The following PRKAR1A variants were observed in gnomAD, a reference collection of about 807,000 sequenced individuals.
PRKAR1A encodes cAMP-dependent protein kinase type I-alpha regulatory subunit.
A neutral mutation model predicts 52.0 loss-of-function variants in PRKAR1A; 3 were observed. The observed-to-expected ratio is 0.06, with a 90% confidence interval of 0.03 to 0.15. The LOEUF is 0.15. Among genes scored for constraint, PRKAR1A ranks in the 10% least tolerant of loss-of-function variants. The pLI is 1.00. For synonymous variants in PRKAR1A, 188 were observed against 168.4 expected, an observed-to-expected ratio of 1.12 and a Z score of -0.90; for missense variants, 240 against 477.4, an observed-to-expected ratio of 0.50 and a Z score of 4.63.
At chr17:68,436,651 A>C in the PRKAR1A span, among the ~76,000 whole-genome samples, 5 of 152,128 alleles carry the variant, frequency 3.3e-5, no homozygotes, top group African/African-American at 1.2e-4. Flanking sequence ...GCTTCCAATA[A>C]AGCAACTTCA....
the PRKAR1A span, among the ~76,000 whole-genome samples, chr17:68,503,209 C>A: frequency 6.6e-6 from 1 of 152,306 alleles, no homozygotes; most frequent in Admixed American, 6.5e-5. Flanking sequence ...AAAGCACTGA[C>A]AAATGCTGGC....
the PRKAR1A span, among the ~76,000 whole-genome samples, chr17:68,470,893 T>C: frequency 6.6e-6 from 1 of 152,250 alleles, no homozygotes; most frequent in Non-Finnish European, 1.5e-5. Context: ...AATAGAGAGG[T>C]GACTGCCACC....
the PRKAR1A span, chr17:68,434,743 A>G: frequency 3.5e-5 from 35 of 999,384 alleles, 1 homozygote; most frequent in South Asian, 5.3e-4. Context: ...GAGGAAGAAC[A>G]CCACGTTGAG....
the PRKAR1A span, among the ~76,000 whole-genome samples, chr17:68,422,969 C>A: frequency 1.3e-5 from 2 of 152,120 alleles, no homozygotes; most frequent in Non-Finnish European, 2.9e-5. Flanking sequence ...CCCAAGGAGG[C>A]AAGCGTGATC....
the PRKAR1A span, among the ~76,000 whole-genome samples, chr17:68,443,815 A>G: frequency 6.6e-6 from 1 of 152,236 alleles, no homozygotes; most frequent in Non-Finnish European, 1.5e-5. Flanking sequence ...CATTAAATGT[A>G]CAAGTTGTTC....
the PRKAR1A span, among the ~76,000 whole-genome samples, chr17:68,469,222 CT>C: frequency 3.1e-4 from 47 of 149,474 alleles, no homozygotes; most frequent in African/African-American, 1.0e-3. Context: ...AGGTAGGCTG[CT>C]TTTTTTTTTC....
At chr17:68,504,700 G>A in the PRKAR1A span, among the ~76,000 whole-genome samples, 7 of 152,318 alleles carry the variant, frequency 4.6e-5, no homozygotes, top group African/African-American at 1.7e-4. Flanking sequence ...AAGTGTAGCG[G>A]TGGAGGGTGG....
intron 9 of PRKAR1A, among the ~76,000 whole-genome samples, chr17:68,529,672 T>C (rs1248334712): frequency 6.6e-6 from 1 of 152,252 alleles, no homozygotes; most frequent in Non-Finnish European, 1.5e-5. Flanking sequence ...AGCTTGGATT[T>C]AGCCCTTCAT....
the PRKAR1A span, among the ~76,000 whole-genome samples, chr17:68,442,021 C>A: frequency 6.6e-6 from 1 of 152,158 alleles, no homozygotes; most frequent in Admixed American, 6.5e-5. Flanking sequence ...AATCGATTCC[C>A]TTTACAAACA....
chr17:68,523,398 A>T (rs1358442705), intron 3 of PRKAR1A, among the ~76,000 whole-genome samples: 1 of 152,220 alleles, frequency 6.6e-6, no homozygotes, highest in African/African-American at 2.4e-5. Flanking sequence ...ACAGATTTTT[A>T]AAATGACTAA....
chr17:68,537,447 G>T (rs772611671), downstream of PRKAR1A: 1 of 1,613,616 alleles, frequency 6.2e-7, no homozygotes, highest in African/African-American at 1.3e-5. This position sits in a 1 kb window ranked among gnomAD's most constrained non-coding sequence, Gnocchi z 4.2. Flanking sequence ...GGCTCCAGGC[G>T]TATTTTCTGA....
chr17:68,472,497 A>G, the PRKAR1A span, among the ~76,000 whole-genome samples: 1 of 152,200 alleles, frequency 6.6e-6, no homozygotes, highest in Non-Finnish European at 1.5e-5. Flanking sequence ...TTTCCTGTCC[A>G]AAAAACAGGA....
chr17:68,539,218 A>C (rs1386873493), intron 11 of PRKAR1A: 1 of 910,438 alleles, frequency 1.1e-6, no homozygotes, highest in Non-Finnish European at 1.8e-6. Context: ...GATTCATGTC[A>C]TTCTACCCAC....
At chr17:68,527,809 G>T in intron 7 of PRKAR1A, 31 bp from the exon 8 acceptor site, 1 of 1,542,412 alleles carries the variant, frequency 6.5e-7, no homozygotes. Context: ...ACACGTCTTG[G>T]GGATATCACT....
the PRKAR1A span, chr17:68,427,019 G>A: frequency 1.2e-6 from 1 of 823,634 alleles, no homozygotes; most frequent in Non-Finnish European, 2.0e-6. Flanking sequence ...GGGAAGGGGA[G>A]GGAGGGCACT....
At chr17:68,537,551 G>A, downstream of PRKAR1A, 1 of 1,613,594 alleles carries the variant, frequency 6.2e-7, no homozygotes, top group East Asian at 2.2e-5. This position sits in a 1 kb window ranked among gnomAD's most constrained non-coding sequence, Gnocchi z 4.2. Flanking sequence ...ACACTCTGCT[G>A]TCCATGGGCC....
chr17:68,480,513 GGGGAAA>G, the PRKAR1A span, among the ~76,000 whole-genome samples: 1 of 152,094 alleles, frequency 6.6e-6, no homozygotes, highest in Non-Finnish European at 1.5e-5. Flanking sequence ...TAGTTTCTCA[GGGGAAA>G]ACTATTTTAC....
chr17:68,462,283 A>T, the PRKAR1A span, among the ~76,000 whole-genome samples: 1 of 152,082 alleles, frequency 6.6e-6, no homozygotes, highest in Admixed American at 6.5e-5. Flanking sequence ...GATGATCACG[A>T]AGACAGTTGC....
chr17:68,530,029 A>G lies in PRKAR1A; in HGVS notation c.973+28A>G, dbSNP rs780077488. 15 of 1,602,878 alleles carry G rather than the reference A, an allele frequency of 9.4e-6. No homozygotes were observed. In the South Asian group the frequency reaches 1.4e-4, roughly 15 times the overall value. ...ATGTATGAATTCCCTCACAATAAATACATGGTTTCTTTAAGTCACCTCTCA... is the reference window on the plus strand; with the variant it reads ...ATGTATGAATTCCCTCACAATAAATGCATGGTTTCTTTAAGTCACCTCTCA... On this transcript the variant is annotated intron_variant, in intron 10 of 10. Coordinates refer to ENST00000589228, the MANE Select transcript of PRKAR1A (RefSeq NM_002734.5).
Sources: gnomAD v4.1 joint callset for allele counts (sites outside exome capture counted in the v4.1 genomes callset) on GRCh38, gnomAD v4.1.1 for gene constraint, Gnocchi (gnomAD v3.1) non-coding constraint, MANE v1.5 for transcripts, NCBI Gene and HGNC (gene_info 2026-07-23, HGNC 2026-07-21) for gene names.